TMEM37: variants seen among roughly 807,000 people sequenced by gnomAD.
TMEM37 encodes voltage-dependent calcium channel gamma-like subunit.
TMEM37 carries 12 observed loss-of-function variants against 11.0 expected under a neutral mutation model. That is an observed-to-expected ratio of 1.09 (90% confidence interval 0.70 to 1.76). The LOEUF (loss-of-function observed/expected upper bound fraction) is 1.76. TMEM37 is among the 40% of genes most tolerant of loss of function. The pLI, the probability that TMEM37 is intolerant of heterozygous loss-of-function variation, is 0.00. For synonymous variants in TMEM37, 127 were observed against 110.5 expected, an observed-to-expected ratio of 1.15 and a Z score of -0.94; for missense variants, 203 against 251.2, an observed-to-expected ratio of 0.81 and a Z score of 1.30.
At position 119,437,500 on chromosome 2, in the gene TMEM37, ATGGGACTTTTCCAGCATGTGGCCTCTGG is replaced by A; in HGVS notation, c.*65_*92del. ...GATTCCACAAGAAAATATGGTCAAA[ATGGGACTTTTCCAGCATGTGGCCTCTGG>A]TGGGGCTGGGTTGGACAAGGGCCTT... On this transcript the variant is annotated 3_prime_UTR_variant, in exon 2 of 2. Coordinates refer to ENST00000306406, the MANE Select transcript of TMEM37 (RefSeq NM_183240.3). 6.4e-7 allele frequency: 1 copy of A among 1,552,080 alleles called. No homozygotes were observed. The highest frequency in any genetic ancestry group is 8.7e-7 in the Non-Finnish European group (1 of 1,150,420).
intron 1 of TMEM37, among the ~76,000 whole-genome samples, chr2:119,433,295 G>T (rs1314490463): frequency 1.3e-5 from 2 of 152,228 alleles, no homozygotes; most frequent in Non-Finnish European, 2.9e-5. Context: ...CTTGCCAGGG[G>T]GCAAACACAG....
At chr2:119,433,248 G>A (rs963692261) in intron 1 of TMEM37, among the ~76,000 whole-genome samples, 2 of 152,244 alleles carry the variant, frequency 1.3e-5, no homozygotes, top group African/African-American at 2.4e-5. Flanking sequence ...TGCTCCGGCC[G>A]CTTCGGGATG....
At chr2:119,432,011 C>A in intron 1 of TMEM37, 87 bp downstream of exon 1, 1 of 923,184 alleles carries the variant, frequency 1.1e-6, no homozygotes, top group Non-Finnish European at 1.4e-6. Context: ...GGGGCGTACC[C>A]ACCGCGAGCG....
chr2:119,437,383 C>T lies in TMEM37; in HGVS notation c.516C>T (p.Leu172=). 3 of 1,614,250 alleles carry T rather than the reference C, an allele frequency of 1.9e-6. No individual in the cohort carries two copies. Among genetic ancestry groups the T allele is most frequent in the South Asian group, 1.1e-5 (1 of 91,082 alleles). The stretch of plus-strand genomic sequence containing the variant: ...GCGAATTCACTGCCTCCTTCCTCCT[C>T]TTCCTGAACGCCATCAGCGGCCTTC... ...FWCEFTASFL[L]FLNAISGLHI... Residue 172 remains leucine (L), a synonymous_variant, in exon 2 of 2, where the codon CTC becomes CTT. Coordinates refer to ENST00000306406, the MANE Select transcript of TMEM37 (RefSeq NM_183240.3).
rs761164366 is a variant in TMEM37 at position 119,437,288 on chromosome 2, G to A, written c.421G>A (p.Gly141Arg). ...LLVSFVLSSG[G>R]LLGFVILLRN... ...GGTGTCTTTCGTCCTCTCCTCCGGC[G>A]GGCTCCTGGGTTTTGTGATCCTCCT... Residue 141 changes from glycine to arginine, a missense_variant, in exon 2 of 2, where the codon GGG becomes AGG. By Grantham distance (125) the Gly-to-Arg change is moderately radical. Transcript: ENST00000306406. 2.5e-5 allele frequency: 40 copies of A among 1,614,164 alleles called. No homozygotes were observed. The highest frequency in any genetic ancestry group is 3.1e-5 in the Non-Finnish European group (37 of 1,180,030).
chr2:119,430,314 G>A, upstream of TMEM37: 2 of 559,668 alleles, frequency 3.6e-6, no homozygotes, highest in South Asian at 3.1e-5. Context: ...AAACTCTGCA[G>A]TGGGGCCTCG....
chr2:119,429,973 C>G (rs959890180), upstream of TMEM37: 1 of 1,550,380 alleles, frequency 6.5e-7, no homozygotes, highest in African/African-American at 1.4e-5. Flanking sequence ...AGGCACTTCC[C>G]TCTTGGCCAG....
chr2:119,430,797 C>G (rs562031313), upstream of TMEM37, among the ~76,000 whole-genome samples: 20 of 152,318 alleles, frequency 1.3e-4, 1 homozygote, highest in South Asian at 4.1e-3. Flanking sequence ...CTCCTCCCAC[C>G]TCCACCCTTT....
In TMEM37 at chr2:119,437,269, T is replaced by G. The variant is rs780809924; in HGVS notation, c.402T>G (p.Ser134=). 1 of 1,614,204 alleles carries G rather than the reference T, an allele frequency of 6.2e-7. No homozygotes were observed. Among genetic ancestry groups the G allele is most frequent in the East Asian group, 2.2e-5 (1 of 44,878 alleles). Residue 134 remains serine (S), a synonymous_variant, in exon 2 of 2, where the codon TCT becomes TCG. Coordinates refer to ENST00000306406, the MANE Select transcript of TMEM37 (RefSeq NM_183240.3). ...WVMGSILLLV[S]FVLSSGGLLG... ...TGGGTTCCATCCTCCTCCTGGTGTC[T>G]TTCGTCCTCTCCTCCGGCGGGCTCC...
chr2:119,429,965 G>A (rs1035569548), upstream of TMEM37: 2 of 1,550,390 alleles, frequency 1.3e-6, no homozygotes, highest in Non-Finnish European at 1.7e-6. Flanking sequence ...TTAATTCCAG[G>A]CACTTCCCTC....
upstream of TMEM37, among the ~76,000 whole-genome samples, chr2:119,431,210 T>C (rs1271126672): frequency 6.6e-6 from 1 of 152,146 alleles, no homozygotes; most frequent in Non-Finnish European, 1.5e-5. Flanking sequence ...CCACATTTGT[T>C]TGGCATATTT....
rs1484219624 is a variant in TMEM37 at position 119,437,585 on chromosome 2, G to C, written c.*145G>C. The C allele has an allele frequency of 8.6e-7, 1 of 1,158,160 alleles. No individual in the cohort carries two copies. The highest frequency in any genetic ancestry group is 1.5e-5 in the African/African-American group (1 of 64,646). The allele number at this position is 1,158,160 out of a possible 1,614,324, so 71.7% of individuals were successfully genotyped here. A position where few individuals can be genotyped will look rare whatever the true frequency, so the allele number is the denominator to read the frequency against. ...GCTGCCTGTTTGCCGATAACTTGTGGGTGGTCAGCCAGAAATGGCCCGGGG... is the reference window on the plus strand; with the variant it reads ...GCTGCCTGTTTGCCGATAACTTGTGCGTGGTCAGCCAGAAATGGCCCGGGG... On this transcript the variant is annotated 3_prime_UTR_variant, in exon 2 of 2. Coordinates refer to ENST00000306406, the MANE Select transcript of TMEM37 (RefSeq NM_183240.3).
chr2:119,429,935 AC>A (rs1371408906), upstream of TMEM37: 5 of 1,550,384 alleles, frequency 3.2e-6, no homozygotes, highest in Non-Finnish European at 4.4e-6. Context: ...AGATGACCCG[AC>A]CTGACTGTTC....
chr2:119,430,123 T>C, upstream of TMEM37: 1 of 733,572 alleles, frequency 1.4e-6, no homozygotes, highest in Non-Finnish European at 2.3e-6. Flanking sequence ...CTGCGGAGAG[T>C]CTGGCTTCTG....
chr2:119,436,443 G>C (rs918638330), intron 1 of TMEM37, among the ~76,000 whole-genome samples: 1 of 152,162 alleles, frequency 6.6e-6, no homozygotes, highest in Non-Finnish European at 1.5e-5. Context: ...AAACAGAACT[G>C]TGTATTGGTG....
chr2:119,436,962 C>T lies in TMEM37; in HGVS notation c.95C>T (p.Thr32Met), dbSNP rs772027165. Residue 32 changes from threonine (T) to methionine (M), a missense_variant, in exon 2 of 2, where the codon ACG (threonine) becomes ATG (methionine). Transcript: ENST00000306406. ...FESFIRTLII[T>M]CVALAVVLSS... ...TCCTTCATCCGGACCCTCATCATCA[C>T]GTGTGTGGCCCTGGCTGTGGTCCTG... The T allele has an allele frequency of 5.6e-6, 9 of 1,614,250 alleles. No homozygotes were observed. The highest frequency in any genetic ancestry group is 3.3e-5 in the South Asian group (3 of 91,086).
At chr2:119,431,251 A>G (rs1682388149), upstream of TMEM37, among the ~76,000 whole-genome samples, 2 of 152,322 alleles carry the variant, frequency 1.3e-5, no homozygotes, top group South Asian at 4.1e-4. Flanking sequence ...GGAGTTCAGG[A>G]GGAAACAGGG....
rs181771873 is a variant in TMEM37 at position 119,437,647 on chromosome 2, G to A, written c.*207G>A. The stretch of plus-strand genomic sequence containing the variant: ...TGGTCTGCAGGGCCAGAGGCCAGGA[G>A]GGTGCCTCAGTGCCACCAACTGCAC... On this transcript the variant is annotated 3_prime_UTR_variant, in exon 2 of 2. Transcript: ENST00000306406. The A allele has an allele frequency of 2.5e-5, 16 of 636,512 alleles. No individual in the cohort carries two copies. In the African/African-American group the frequency reaches 2.9e-4, roughly 12 times the overall value. 39.4% of individuals were successfully genotyped at this position (636,512 alleles called of 1,614,324 possible). A position where few individuals can be genotyped will look rare whatever the true frequency, so the allele number is the denominator to read the frequency against.
At chr2:119,433,053 C>T (rs1335715677) in intron 1 of TMEM37, among the ~76,000 whole-genome samples, 1 of 152,192 alleles carries the variant, frequency 6.6e-6, no homozygotes, top group Non-Finnish European at 1.5e-5. Flanking sequence ...GTGGGACAGA[C>T]CAGGTGCGGT....
Sources: allele counts gnomAD v4.1 joint callset (sites outside exome capture counted in the v4.1 genomes callset), GRCh38; gene constraint gnomAD v4.1.1; transcripts MANE v1.5; gene names NCBI Gene and HGNC (gene_info 2026-07-23, HGNC 2026-07-21).